LGSN: variants seen among roughly 807,000 people sequenced by gnomAD.
The protein encoded by LGSN is lengsin.
LGSN carries 21 observed loss-of-function variants against 19.5 expected under a neutral mutation model. That is an observed-to-expected ratio of 1.07 (90% CI 0.76 to 1.55). The LOEUF (loss-of-function observed/expected upper bound fraction) is 1.55, where lower values mean the gene tolerates loss of function less well. Ranked by LOEUF, LGSN falls within the 40% of genes most tolerant of loss-of-function variation. The pLI is 0.00. For missense variants in LGSN, 673 were observed against 608.5 expected, an observed-to-expected ratio of 1.11 and a Z score of -1.12; for synonymous variants, 257 against 215.6, an observed-to-expected ratio of 1.19 and a Z score of -1.68.
chr6:63,384,489 TTGTGTGTGTGTGTGTG>T, the LGSN span, among the ~76,000 whole-genome samples: 73 of 131,584 alleles, frequency 5.5e-4, no homozygotes, highest in Middle Eastern at 3.7e-3. Context: ...AAATAACACC[TTGTGTGTGTGTGTGTG>T]TGTGTGTGTG....
chr6:63,433,752 T>A, the LGSN span, among the ~76,000 whole-genome samples: 1 of 152,138 alleles, frequency 6.6e-6, no homozygotes. Context: ...AGGCCATGAG[T>A]ATTCATGTGT....
At chr6:63,371,482 T>C in the LGSN span, among the ~76,000 whole-genome samples, 1 of 152,222 alleles carries the variant, frequency 6.6e-6, no homozygotes, top group African/African-American at 2.4e-5. Context: ...ATACTTTTTT[T>C]AGAAATAGAT....
chr6:63,535,572 T>C, the LGSN span, among the ~76,000 whole-genome samples: 1 of 152,246 alleles, frequency 6.6e-6, no homozygotes, highest in African/African-American at 2.4e-5. Flanking sequence ...CAGTTGTACA[T>C]ATGTGTCATA....
chr6:63,352,669 TCACACACACACAGA>T, the LGSN span, among the ~76,000 whole-genome samples: 1 of 150,564 alleles, frequency 6.6e-6, no homozygotes, highest in Non-Finnish European at 1.5e-5. Context: ...TCTCTCTCTC[TCACACACACACAGA>T]CACACACACA....
chr6:63,480,037 C>T, the LGSN span: 1 of 152,744 alleles, frequency 6.5e-6, no homozygotes. Context: ...CTCTTTACAA[C>T]AACCCCAGGC....
At chr6:63,286,981 T>C (rs573865842) in intron 2 of LGSN, among the ~76,000 whole-genome samples, 2 of 152,326 alleles carry the variant, frequency 1.3e-5, no homozygotes, top group South Asian at 4.1e-4. Context: ...CATGATCAAG[T>C]CTGCATCCAA....
At chr6:63,282,646 TCCA>T (rs1193407028) in intron 3 of LGSN, among the ~76,000 whole-genome samples, 2 of 150,092 alleles carry the variant, frequency 1.3e-5, no homozygotes, top group African/African-American at 4.9e-5. Context: ...GCCTCCACTT[TCCA>T]CCATCTCTAC....
the LGSN span, among the ~76,000 whole-genome samples, chr6:63,388,128 G>A: frequency 1.3e-5 from 2 of 151,020 alleles, no homozygotes; most frequent in Non-Finnish European, 2.9e-5. Flanking sequence ...TACCTGCTTT[G>A]GCCTCCCAAT....
At chr6:63,284,113 T>G (rs1002820168) in intron 3 of LGSN, among the ~76,000 whole-genome samples, 1 of 152,192 alleles carries the variant, frequency 6.6e-6, no homozygotes, top group African/African-American at 2.4e-5. Context: ...TTCACAAGTT[T>G]CAAAAATAAA....
chr6:63,306,827 G>T (rs1484843443), intron 1 of LGSN, among the ~76,000 whole-genome samples: 3 of 152,162 alleles, frequency 2.0e-5, no homozygotes, highest in Non-Finnish European at 4.4e-5. Flanking sequence ...CCCTCGTGTT[G>T]CCAGTTTTAC....
chr6:63,366,547 T>A, the LGSN span, among the ~76,000 whole-genome samples: 7 of 152,252 alleles, frequency 4.6e-5, no homozygotes, highest in South Asian at 1.2e-3. Flanking sequence ...GCCATCCCCA[T>A]CAAGCTACCA....
the LGSN span, among the ~76,000 whole-genome samples, chr6:63,567,633 A>G: frequency 6.6e-6 from 1 of 152,218 alleles, no homozygotes; most frequent in African/African-American, 2.4e-5. Context: ...AGAATGGTAA[A>G]TGAACATCTG....
the LGSN span, among the ~76,000 whole-genome samples, chr6:63,520,265 T>G: frequency 6.6e-6 from 1 of 152,232 alleles, no homozygotes; most frequent in African/African-American, 2.4e-5. Context: ...TTGTGATATA[T>G]TGTCCTTGGC....
At chr6:63,392,061 T>A in the LGSN span, among the ~76,000 whole-genome samples, 1 of 152,344 alleles carries the variant, frequency 6.6e-6, no homozygotes, top group East Asian at 1.9e-4. Flanking sequence ...AAAAACATTC[T>A]GGTCAACAAT....
At chr6:63,371,458 T>C in the LGSN span, among the ~76,000 whole-genome samples, 1 of 152,236 alleles carries the variant, frequency 6.6e-6, no homozygotes, top group South Asian at 2.1e-4. Context: ...ATTTGAGATT[T>C]TGAACTATAT....
At chr6:63,479,564 C>T in the LGSN span, among the ~76,000 whole-genome samples, 1 of 151,880 alleles carries the variant, frequency 6.6e-6, no homozygotes, top group East Asian at 1.9e-4. Context: ...ATGGTGAAAC[C>T]CCGTCTCTAC....
At chr6:63,383,317 C>A in the LGSN span, among the ~76,000 whole-genome samples, 6 of 151,360 alleles carry the variant, frequency 4.0e-5, no homozygotes, top group African/African-American at 1.2e-4. Flanking sequence ...AGTCAACCAA[C>A]TCATAGGTTC....
the LGSN span, among the ~76,000 whole-genome samples, chr6:63,465,546 G>A: frequency 6.6e-6 from 1 of 152,138 alleles, no homozygotes; most frequent in African/African-American, 2.4e-5. Flanking sequence ...TGGCCATGGT[G>A]AGAGTATTTT....
At chr6:63,362,762 C>A in the LGSN span, among the ~76,000 whole-genome samples, 1 of 152,218 alleles carries the variant, frequency 6.6e-6, no homozygotes, top group African/African-American at 2.4e-5. Flanking sequence ...TAGACTCCAC[C>A]TCTGGGGGCA....
Sources: gnomAD v4.1 joint callset for allele counts (sites outside exome capture counted in the v4.1 genomes callset) on GRCh38, gnomAD v4.1.1 for gene constraint, MANE v1.5 for transcripts, NCBI Gene and HGNC (gene_info 2026-07-23, HGNC 2026-07-21) for gene names.